Variants in PIKFYVE observed in about 807,000 individuals in gnomAD.
PIKFYVE encodes the protein phosphoinositide kinase, FYVE-type zinc finger containing.
Under a neutral mutation model 257.9 loss-of-function variants are expected in PIKFYVE, and 122 were observed. The observed-to-expected ratio is 0.47, with a 90% confidence interval of 0.41 to 0.55. PIKFYVE has a LOEUF of 0.55. Ranked by LOEUF, PIKFYVE falls within the 20% of genes least tolerant of loss-of-function variation. The pLI, the probability that PIKFYVE is intolerant of heterozygous loss-of-function variation, is 0.00. For synonymous variants in PIKFYVE, 892 were observed against 868.9 expected (o/e 1.03, Z -0.47); for missense variants, 2,160 against 2,536.6 (o/e 0.85, Z 3.19).
intron 1 of PIKFYVE, among the ~76,000 whole-genome samples, chr2:208,268,754 T>C (rs1442517684): frequency 6.6e-6 from 1 of 152,092 alleles, no homozygotes; most frequent in Non-Finnish European, 1.5e-5. Context: ...CTTCCTTTTC[T>C]CCTTCCTCTT....
chr2:208,330,032 T>C, intron 22 of PIKFYVE, 119 bp downstream of exon 22: 1 of 1,353,022 alleles, frequency 7.4e-7, no homozygotes, highest in African/African-American at 1.4e-5. Flanking sequence ...ACTTTCATAG[T>C]GCATATCAGA....
At chr2:208,351,531 T>G in intron 38 of PIKFYVE, 76 bp downstream of exon 38, 1 of 1,187,130 alleles carries the variant, frequency 8.4e-7, no homozygotes, top group Non-Finnish European at 1.3e-6. Context: ...TGTTAGTCTA[T>G]TCTTGTGTTG....
chr2:208,324,828 T>G lies in PIKFYVE; in HGVS notation c.2332-83T>G, dbSNP rs1696728102. ...AAATTTGTGAATGTTATTTTTTAAT[T>G]TTTCCATTACTTTTCCAGATTAAAT... On this transcript the variant is annotated intron_variant, in intron 18 of 41. Coordinates refer to ENST00000264380, the MANE Select transcript of PIKFYVE (RefSeq NM_015040.4). The G allele has an allele frequency of 8.0e-6, 12 of 1,498,598 alleles. No homozygotes were observed. In the South Asian group the frequency reaches 1.4e-4, roughly 18 times the overall value. 92.8% of individuals were successfully genotyped at this position (1,498,598 alleles called of 1,614,324 possible). A position where few individuals can be genotyped will look rare whatever the true frequency, so the allele number is the denominator to read the frequency against.
At chr2:208,288,327 C>T (rs1021366642) in intron 6 of PIKFYVE, among the ~76,000 whole-genome samples, 2 of 152,108 alleles carry the variant, frequency 1.3e-5, no homozygotes, top group Non-Finnish European at 2.9e-5. Context: ...GTCGAGCCTG[C>T]ACTTGGACCT....
chr2:208,312,363 G>A, intron 13 of PIKFYVE, 68 bp downstream of exon 13: 1 of 1,241,168 alleles, frequency 8.1e-7, no homozygotes, highest in Non-Finnish European at 1.2e-6. Context: ...TTAGGGCTTA[G>A]CACATTGATT....
chr2:208,288,997 C>A (rs1166771078), intron 7 of PIKFYVE, among the ~76,000 whole-genome samples, 179 bp downstream of exon 7: 1 of 152,208 alleles, frequency 6.6e-6, no homozygotes, highest in African/African-American at 2.4e-5. Flanking sequence ...CTCTCAGTGA[C>A]TTTCCAGTAT....
chr2:208,321,575 G>GTT (rs869195257), intron 17 of PIKFYVE, among the ~76,000 whole-genome samples: 1 of 143,098 alleles, frequency 7.0e-6, no homozygotes, highest in African/African-American at 2.6e-5. Context: ...CTTTTCTTTT[G>GTT]TTTTTTTTTT....
rs1274266805 is a variant in PIKFYVE, at chr2:208,356,096, ATAGTAAATCAT to A, written c.*800_*810del. The A allele has an allele frequency of 1.3e-5, 2 of 152,216 alleles. No homozygotes were observed. The highest frequency in any genetic ancestry group is 4.8e-5 in the African/African-American group (2 of 41,446). The allele number at this position is 152,216 out of a possible 1,614,324, so 9.4% of individuals were successfully genotyped here. On this transcript the variant is annotated 3_prime_UTR_variant, in exon 42 of 42. Coordinates refer to ENST00000264380, the MANE Select transcript of PIKFYVE (RefSeq NM_015040.4). ...GTTTTTTCTCTATTTTTAGGGTATC[ATAGTAAATCAT>A]TAGTAAATGAGTCTGTAGTTACTAA...
chr2:208,323,681 A>C (rs896788314), intron 17 of PIKFYVE, among the ~76,000 whole-genome samples: 1 of 152,328 alleles, frequency 6.6e-6, no homozygotes, highest in East Asian at 1.9e-4. Flanking sequence ...CTGAGGAATC[A>C]CCACACTGTC....
chr2:208,266,082 G>T (rs1216404316), upstream of PIKFYVE: 1 of 152,546 alleles, frequency 6.6e-6, no homozygotes, highest in African/African-American at 2.4e-5. Context: ...CTTCCAGGAA[G>T]GCTGAAGCGG....
At chr2:208,348,134 AT>A in intron 35 of PIKFYVE, 111 bp downstream of exon 35, 1 of 1,351,298 alleles carries the variant, frequency 7.4e-7, no homozygotes, top group Non-Finnish European at 1.0e-6. Context: ...AAACTGGGGC[AT>A]TCCCTCTGTT....
chr2:208,306,663 A>G (rs1694349876), intron 12 of PIKFYVE, among the ~76,000 whole-genome samples: 1 of 152,204 alleles, frequency 6.6e-6, no homozygotes, highest in African/African-American at 2.4e-5. Context: ...AGGAGGCTCC[A>G]AAAATGACAT....
chr2:208,347,000 A>G (rs1014001914), intron 34 of PIKFYVE, among the ~76,000 whole-genome samples: 4 of 152,210 alleles, frequency 2.6e-5, no homozygotes, highest in African/African-American at 9.6e-5. Flanking sequence ...CCTGACTGAA[A>G]GAGACAGAGA....
chr2:208,291,738 T>C (rs558363257), intron 7 of PIKFYVE, among the ~76,000 whole-genome samples: 1 of 152,224 alleles, frequency 6.6e-6, no homozygotes, highest in Non-Finnish European at 1.5e-5. Flanking sequence ...GGATACTTAC[T>C]GATTTTATTG....
chr2:208,333,592 G>A (rs1697800647), intron 24 of PIKFYVE, 99 bp downstream of exon 24: 1 of 1,320,290 alleles, frequency 7.6e-7, no homozygotes, highest in East Asian at 2.4e-5. Context: ...TTAATTTGTG[G>A]GATTCCCCAT....
At chr2:208,339,579 A>G (rs764792728) in intron 30 of PIKFYVE, 24 bp downstream of exon 30, 1 of 1,613,248 alleles carries the variant, frequency 6.2e-7, no homozygotes. Context: ...CACTTTTACC[A>G]TATTTCATTG....
At chr2:208,276,889 C>T (rs1690180166) in intron 4 of PIKFYVE, 59 bp downstream of exon 4, 11 of 1,398,916 alleles carry the variant, frequency 7.9e-6, no homozygotes, top group East Asian at 2.3e-5. Flanking sequence ...TCATGCCATA[C>T]CTAATGAAAA....
At chr2:208,336,998 G>A in intron 28 of PIKFYVE, 70 bp downstream of exon 28, 2 of 1,216,628 alleles carry the variant, frequency 1.6e-6, no homozygotes, top group East Asian at 2.5e-5. Flanking sequence ...ATAATACTTA[G>A]CAGGGATAGT....
chr2:208,334,860 T>C (rs2125671367), intron 24 of PIKFYVE, among the ~76,000 whole-genome samples: 1 of 152,320 alleles, frequency 6.6e-6, no homozygotes, highest in East Asian at 1.9e-4. Context: ...TTTTTAACCG[T>C]GCATGTAGGG....
Sources: allele counts gnomAD v4.1 joint callset (sites outside exome capture counted in the v4.1 genomes callset), GRCh38; gene constraint gnomAD v4.1.1; transcripts MANE v1.5; gene names NCBI Gene and HGNC (gene_info 2026-07-23, HGNC 2026-07-21).